The following CLIP1 variants were observed in gnomAD, a reference collection of about 807,000 sequenced individuals.
The protein encoded by CLIP1 is CAP-Gly domain containing linker protein 1, also known as CAP-Gly domain-containing linker protein 1.
In CLIP1, 66 loss-of-function variants were observed where a neutral mutation model predicts 161.6. The observed-to-expected ratio is 0.41, with a 90% CI of 0.33 to 0.50. The LOEUF (loss-of-function observed/expected upper bound fraction) is 0.50. Among genes scored for constraint, CLIP1 ranks in the 20% least tolerant of loss-of-function variants. The pLI, the probability that CLIP1 is intolerant of heterozygous loss-of-function variation, is 0.27. For synonymous variants in CLIP1, 598 were observed against 626.2 expected (o/e 0.96, Z 0.67); for missense variants, 1,376 against 1,702.0 (o/e 0.81, Z 3.37).
chr12:122,341,771 T>A, intron 10 of CLIP1, 74 bp from the exon 11 acceptor site: 11 of 458,940 alleles, frequency 2.4e-5, no homozygotes, highest in East Asian at 1.4e-4. Flanking sequence ...TCTTTTTTTT[T>A]TTTTTTTTTT....
At chr12:122,320,731 T>C (rs976017130) in intron 17 of CLIP1, among the ~76,000 whole-genome samples, 10 of 151,034 alleles carry the variant, frequency 6.6e-5, no homozygotes, top group African/African-American at 2.4e-4. Context: ...TTTTTTTTTT[T>C]AGGCAGTCTC....
intron 3 of CLIP1, among the ~76,000 whole-genome samples, chr12:122,364,385 A>G (rs1314877622): frequency 6.7e-6 from 1 of 148,738 alleles, no homozygotes; most frequent in African/African-American, 2.5e-5. Flanking sequence ...CAAGTTCATT[A>G]TTGCTTTTCT....
intron 11 of CLIP1, among the ~76,000 whole-genome samples, chr12:122,337,012 A>T (rs1183155571): frequency 6.7e-6 from 1 of 148,878 alleles, no homozygotes; most frequent in Non-Finnish European, 1.5e-5. Flanking sequence ...CCTGTCACCC[A>T]GGCTAGAGTG....
At chr12:122,328,623 C>T (rs1314310136) in intron 15 of CLIP1, among the ~76,000 whole-genome samples, 197 bp from the exon 16 acceptor site, 2 of 152,032 alleles carry the variant, frequency 1.3e-5, no homozygotes, top group Admixed American at 1.3e-4. Flanking sequence ...CTCGCTCTGT[C>T]GCACAGGCTG....
At chr12:122,350,493 C>A (rs1268330269) in intron 9 of CLIP1, among the ~76,000 whole-genome samples, 1 of 152,126 alleles carries the variant, frequency 6.6e-6, no homozygotes, top group Non-Finnish European at 1.5e-5. Flanking sequence ...TTAAAACATG[C>A]TATTGTCTTC....
At chr12:122,353,150 C>T (rs1953131371) in intron 7 of CLIP1, among the ~76,000 whole-genome samples, 1 of 152,024 alleles carries the variant, frequency 6.6e-6, no homozygotes, top group South Asian at 2.1e-4. Context: ...TTAAGAGCGG[C>T]CTGAGCAACA....
intron 20 of CLIP1, among the ~76,000 whole-genome samples, chr12:122,300,752 C>T (rs924607436): frequency 1.2e-4 from 18 of 152,174 alleles, no homozygotes; most frequent in African/African-American, 2.4e-5. Flanking sequence ...TACACTTCCA[C>T]TTTCTTTCAG....
At chr12:122,296,001 T>C (rs1348644876) in intron 20 of CLIP1, among the ~76,000 whole-genome samples, 8 of 152,232 alleles carry the variant, frequency 5.3e-5, no homozygotes, top group African/African-American at 1.9e-4. Context: ...TGAATATAAA[T>C]TGCATCTCTT....
chr12:122,280,215 A>C (rs1406090404), intron 21 of CLIP1: 2 of 152,040 alleles, frequency 1.3e-5, no homozygotes, highest in African/African-American at 4.8e-5. Context: ...CTGGGATTAC[A>C]GGCGCCTGCC....
At chr12:122,328,237 C>G in intron 16 of CLIP1, 24 bp downstream of exon 16, 4 of 1,613,450 alleles carry the variant, frequency 2.5e-6, no homozygotes, top group Non-Finnish European at 3.4e-6. Flanking sequence ...TGCCAGCCAA[C>G]AGGCCCACTG....
rs766895146 is a variant in CLIP1, at chr12:122,316,843, T to G, written c.3379A>C (p.Lys1127Gln). The G allele has an allele frequency of 6.3e-7, 1 of 1,575,030 alleles. No homozygotes were observed. Among genetic ancestry groups the G allele is most frequent in the East Asian group, 2.3e-5 (1 of 43,936 alleles). ...TCCACATTTTTCAAGTTGTTTTCTT[T>G]AAGTGTGTCCAACTTAAAGACCAAG... Reference protein sequence around the residue: ...AKLQNELDTLKENNLKNVEEL... With the variant: ...AKLQNELDTLQENNLKNVEEL... Residue 1127 changes from lysine to glutamine, a missense_variant, in exon 19 of 26, where the codon AAA (lysine) becomes CAA (glutamine). Physicochemically the swap from Lys to Gln is moderately conservative, Grantham distance 53. Coordinates refer to ENST00000620786, the MANE Select transcript of CLIP1 (RefSeq NM_001247997.2).
chr12:122,292,739 C>G (rs1450397871), intron 20 of CLIP1, among the ~76,000 whole-genome samples: 2 of 152,038 alleles, frequency 1.3e-5, no homozygotes, highest in Non-Finnish European at 2.9e-5. Flanking sequence ...CACGGTGGCT[C>G]AAGCCTGTAA....
chr12:122,415,144 T>C (rs966841935), intron 1 of CLIP1, among the ~76,000 whole-genome samples: 2 of 152,154 alleles, frequency 1.3e-5, no homozygotes, highest in Non-Finnish European at 2.9e-5. Context: ...ATCTAAAAAC[T>C]CGTATCTTGG....
intron 15 of CLIP1, among the ~76,000 whole-genome samples, chr12:122,328,817 G>A (rs1042358235): frequency 1.1e-4 from 16 of 152,142 alleles, no homozygotes; most frequent in Non-Finnish European, 1.8e-4. Flanking sequence ...TCCTGGCCTC[G>A]TGATTCGCCT....
chr12:122,365,778 CAGG>C (rs1465284206), intron 3 of CLIP1: 3 of 589,264 alleles, frequency 5.1e-6, no homozygotes, highest in Admixed American at 3.1e-5. Context: ...GAGGCCCAGG[CAGG>C]AGAACTGCTC....
In CLIP1 at chr12:122,278,853, G is replaced by C. The variant is rs899944551; in HGVS notation, c.3855C>G (p.Leu1285=). The part of the protein sequence containing the change: ...TLESDKVKLE[L]KVKNLELQLK... ...GTTGAAGCTCCAAGTTCTTTACCTT[G>C]AGCTCGAGCTTCACCTTATCAGACT... The change falls in exon 23 of 26, where the codon CTC becomes CTG. Residue 1285 remains leucine, a synonymous_variant. Transcript: ENST00000620786. The C allele has an allele frequency of 6.2e-7, 1 of 1,612,192 alleles. No homozygotes were observed. Among genetic ancestry groups the C allele is most frequent in the Non-Finnish European group, 8.5e-7 (1 of 1,179,460 alleles).
At chr12:122,398,261 CAAAA>C (rs11324468) in intron 1 of CLIP1, among the ~76,000 whole-genome samples, 6 of 103,296 alleles carry the variant, frequency 5.8e-5, no homozygotes, top group African/African-American at 1.5e-4. Context: ...ACTGAAAATA[CAAAA>C]AAAAAAAAAA....
chr12:122,398,287 G>A (rs944533005), intron 1 of CLIP1, among the ~76,000 whole-genome samples: 3 of 150,928 alleles, frequency 2.0e-5, no homozygotes, highest in African/African-American at 7.3e-5. Context: ...AAATTAGCTG[G>A]TCGTGGTGGC....
intron 1 of CLIP1, among the ~76,000 whole-genome samples, chr12:122,385,401 A>C (rs1157321973): frequency 6.6e-6 from 1 of 152,118 alleles, no homozygotes; most frequent in Non-Finnish European, 1.5e-5. Context: ...GTGCATGCAA[A>C]TCTCCCCAGG....
Sources: allele counts gnomAD v4.1 joint callset (sites outside exome capture counted in the v4.1 genomes callset), GRCh38; gene constraint gnomAD v4.1.1; transcripts MANE v1.5; gene names NCBI Gene and HGNC (gene_info 2026-07-23, HGNC 2026-07-21).